CADPS: variants seen among roughly 807,000 people sequenced by gnomAD.
CADPS encodes calcium-dependent secretion activator 1.
A neutral mutation model predicts 167.3 loss-of-function variants in CADPS; 57 were observed. The observed-to-expected ratio is 0.34, with a 90% CI of 0.28 to 0.42. The LOEUF (loss-of-function observed/expected upper bound fraction) is 0.42, where lower values mean the gene tolerates loss of function less well. Among genes scored for constraint, CADPS ranks in the 20% least tolerant of loss-of-function variants. The pLI is 1.00. For synonymous variants in CADPS, 676 were observed against 635.3 expected (o/e 1.06, Z -0.96); for missense variants, 1,414 against 1,738.1 (o/e 0.81, Z 3.32).
At chr3:62,652,494 C>A (rs376647725) in intron 4 of CADPS, among the ~76,000 whole-genome samples, 1 of 151,500 alleles carries the variant, frequency 6.6e-6, no homozygotes, top group Non-Finnish European at 1.5e-5. Context: ...TGTCATCAAT[C>A]AGATTTACTC....
intron 6 of CADPS, among the ~76,000 whole-genome samples, chr3:62,631,171 C>T (rs2065210974): frequency 6.6e-6 from 1 of 151,806 alleles, no homozygotes; most frequent in South Asian, 2.1e-4. Flanking sequence ...ATATGTAATA[C>T]TTTTTCCTAG....
At chr3:62,749,175 A>C in intron 3 of CADPS, among the ~76,000 whole-genome samples, 1 of 152,228 alleles carries the variant, frequency 6.6e-6, no homozygotes, top group East Asian at 1.9e-4. Flanking sequence ...AAACAAACAG[A>C]ATAGATGTTA....
intron 9 of CADPS, among the ~76,000 whole-genome samples, chr3:62,567,387 G>T (rs1367023936): frequency 1.3e-5 from 2 of 151,690 alleles, no homozygotes; most frequent in Non-Finnish European, 2.9e-5. Context: ...CTGTGTATGC[G>T]TGTGGTGGAG....
chr3:62,822,295 C>A (rs1475473821), intron 1 of CADPS, among the ~76,000 whole-genome samples: 6 of 152,168 alleles, frequency 3.9e-5, no homozygotes, highest in African/African-American at 7.2e-5. Context: ...CACCCTTGAT[C>A]TTTTTCACCT....
intron 6 of CADPS, among the ~76,000 whole-genome samples, chr3:62,632,158 T>C (rs1232386997): frequency 1.3e-5 from 2 of 152,200 alleles, no homozygotes; most frequent in Admixed American, 6.5e-5. Flanking sequence ...CGAGGTTATC[T>C]ATCATATGCA....
intron 1 of CADPS, among the ~76,000 whole-genome samples, chr3:62,795,830 T>A (rs1022102056): frequency 6.6e-6 from 1 of 151,994 alleles, no homozygotes; most frequent in Non-Finnish European, 1.5e-5. Context: ...CTGCAAGACA[T>A]GAAAAAGGAG....
At chr3:62,485,984 G>A (rs967700464) in intron 21 of CADPS, among the ~76,000 whole-genome samples, 2 of 152,128 alleles carry the variant, frequency 1.3e-5, no homozygotes, top group Non-Finnish European at 1.5e-5. Flanking sequence ...CTGACACCAA[G>A]TACATTACTT....
chr3:62,685,825 G>T (rs553962260), intron 3 of CADPS, among the ~76,000 whole-genome samples: 6 of 152,232 alleles, frequency 3.9e-5, no homozygotes, highest in African/African-American at 1.4e-4. Flanking sequence ...GCGCTCCTAT[G>T]AGAATCTAAT....
At chr3:62,553,852 C>T (rs1364490596) in intron 10 of CADPS, among the ~76,000 whole-genome samples, 1 of 152,164 alleles carries the variant, frequency 6.6e-6, no homozygotes, top group Non-Finnish European at 1.5e-5. Flanking sequence ...AGCAACAATT[C>T]CTGGGGACTG....
At chr3:62,443,056 T>C (rs1476559357) in intron 27 of CADPS, among the ~76,000 whole-genome samples, 1 of 152,216 alleles carries the variant, frequency 6.6e-6, no homozygotes, top group South Asian at 2.1e-4. Context: ...CATTAATAGC[T>C]GGTAAAAAAA....
At chr3:62,699,757 TG>T (rs997628410) in intron 3 of CADPS, among the ~76,000 whole-genome samples, 6 of 151,926 alleles carry the variant, frequency 3.9e-5, no homozygotes, top group Non-Finnish European at 7.4e-5. Context: ...TTAGTAGAAA[TG>T]GGGTTTTGCT....
At chr3:62,461,005 G>A (rs950055682) in intron 26 of CADPS, among the ~76,000 whole-genome samples, 1 of 152,160 alleles carries the variant, frequency 6.6e-6, no homozygotes. Flanking sequence ...ACTTGATAAG[G>A]TTCTGTCTGC....
chr3:62,576,629 G>GAAAA (rs11445858), intron 8 of CADPS, among the ~76,000 whole-genome samples: 24 of 141,714 alleles, frequency 1.7e-4, no homozygotes, highest in African/African-American at 6.0e-4. Context: ...CATTTCTACT[G>GAAAA]AAAAAAAAAA....
At chr3:62,805,800 G>T (rs1007567375) in intron 1 of CADPS, among the ~76,000 whole-genome samples, 1 of 152,162 alleles carries the variant, frequency 6.6e-6, no homozygotes, top group South Asian at 2.1e-4. Context: ...ACCAGCAGGA[G>T]ATCAGGGTGG....
intron 22 of CADPS, 106 bp downstream of exon 22, chr3:62,481,617 T>C: frequency 9.7e-7 from 1 of 1,028,686 alleles, no homozygotes; most frequent in Admixed American, 2.9e-5. Context: ...TATGTCTAAT[T>C]ATCCATCTCC....
intron 6 of CADPS, among the ~76,000 whole-genome samples, chr3:62,610,251 C>G (rs953362662): frequency 7.1e-6 from 1 of 141,334 alleles, no homozygotes; most frequent in African/African-American, 2.6e-5. Context: ...TCTTTTCTTT[C>G]TTTTCTTTCT....
chr3:62,634,332 G>T (rs2065858485), intron 6 of CADPS, among the ~76,000 whole-genome samples: 1 of 151,974 alleles, frequency 6.6e-6, no homozygotes, highest in African/African-American at 2.4e-5. Context: ...TTAGTCATTT[G>T]TTTATTCATA....
At chr3:62,759,723 T>C (rs930930385) in intron 2 of CADPS, among the ~76,000 whole-genome samples, 1 of 152,194 alleles carries the variant, frequency 6.6e-6, no homozygotes, top group African/African-American at 2.4e-5. Flanking sequence ...AACCAAAGTT[T>C]AATTTTGGTT....
intron 1 of CADPS, among the ~76,000 whole-genome samples, chr3:62,832,248 G>A (rs2152993657): frequency 6.6e-6 from 1 of 152,276 alleles, no homozygotes; most frequent in South Asian, 2.1e-4. Flanking sequence ...AAATACTCCA[G>A]GTGATCCTAT....
Sources: gnomAD v4.1 joint callset for allele counts (sites outside exome capture counted in the v4.1 genomes callset) on GRCh38, gnomAD v4.1.1 for gene constraint, MANE v1.5 for transcripts, NCBI Gene and HGNC (gene_info 2026-07-23, HGNC 2026-07-21) for gene names.